Variants in SUZ12 observed in about 807,000 individuals in gnomAD.
SUZ12 encodes the protein SUZ12 polycomb repressive complex 2 subunit.
In SUZ12, 17 loss-of-function variants were observed where a neutral mutation model predicts 87.3. The ratio of observed to expected loss-of-function variants is 0.19; its 90% CI spans 0.13 to 0.29. The LOEUF (loss-of-function observed/expected upper bound fraction) is 0.29, where lower values mean the gene tolerates loss of function less well. Ranked by LOEUF, SUZ12 falls within the 10% of genes least tolerant of loss-of-function variation. The probability of loss-of-function intolerance (pLI) is 1.00; values close to 1 mark genes in which losing one functional copy is unlikely to be tolerated. For missense variants in SUZ12, 526 were observed against 912.2 expected (o/e 0.58, Z 5.45); for synonymous variants, 253 against 312.4 (o/e 0.81, Z 2.01).
chr17:31,944,675 G>A (rs1293936726), intron 3 of SUZ12, among the ~76,000 whole-genome samples: 1 of 152,060 alleles, frequency 6.6e-6, no homozygotes, highest in African/African-American at 2.4e-5. Context: ...AAATGGGTAG[G>A]AATAGGCTAG....
Position 31,943,592 on chromosome 17 carries a change from G to A in SUZ12, c.386+3106G>A, listed in dbSNP as rs749752962. Among the ~76,000 whole-genome samples the A allele has an allele frequency of 4.0e-4, 61 of 152,144 alleles. No individual in the cohort carries two copies. The Middle Eastern group carries it at 0.017, about 42-fold the overall frequency. ...TCTGTAAAAACCGTTCTTACCTTCC[G>A]GGCTGTACAAAAACAGGCGATAGGC... On this transcript the variant is annotated intron_variant, in intron 3 of 15. Transcript: ENST00000322652.
intron 4 of SUZ12, among the ~76,000 whole-genome samples, chr17:31,957,562 C>T (rs897965698): frequency 3.9e-5 from 6 of 151,980 alleles, no homozygotes. Context: ...CAGGTGCCTG[C>T]CACCACGCCT....
rs552867482 is a variant in SUZ12 at position 31,974,243 on chromosome 17, A to G, written c.591+1012A>G. ...AAAAATGTATGTAAAGTTAGGAAAT[A>G]TCACTCCTTGCCAGGTGCTGGTGGC... On this transcript the variant is annotated intron_variant, in intron 6 of 15. Transcript: ENST00000322652. 2.9e-3 allele frequency among the ~76,000 whole-genome samples: 441 copies of G among 152,106 alleles called. 3 individuals are homozygous for G. The highest frequency in any genetic ancestry group is 0.01 in the African/African-American group (423 of 41,504).
Position 31,980,429 on chromosome 17 carries a change from C to CTTTTTTT in SUZ12, c.918-2539_918-2533dup, listed in dbSNP as rs58491591. Among the ~76,000 whole-genome samples, 105 of 53,832 alleles carry CTTTTTTT rather than the reference C, an allele frequency of 2.0e-3. 26 individuals are homozygous for CTTTTTTT. Among genetic ancestry groups the CTTTTTTT allele is most frequent in the East Asian group, 9.6e-3 (7 of 732 alleles). The allele number at this position is 53,832 out of a possible 152,430, so 35.3% of individuals were successfully genotyped here. On this transcript the variant is annotated intron_variant, in intron 8 of 15. Transcript: ENST00000322652. ...TAAGATATACCAGAATCACCTTCTC[C>CTTTTTTT]TTTTTTTTTTTTTTTTTTTTTTTTT...
At position 31,937,100 on chromosome 17, in the gene SUZ12, C is replaced by CTCCCT; in HGVS notation, c.-137_-133dup. Reference sequence around the variant, plus strand: ...TCCTCCCTCCTTCCCTCCTCTCCTCCTCCCTTCCCTTCCCCTCTCCTCCCC... The same window carrying CTCCCT: ...TCCTCCCTCCTTCCCTCCTCTCCTCCTCCCTTCCCTTCCCTTCCCCTCTCCTCCCC... On this transcript the variant is annotated 5_prime_UTR_variant, in exon 1 of 16. Coordinates refer to ENST00000322652, the MANE Select transcript of SUZ12 (RefSeq NM_015355.4). 3.1e-6 allele frequency: 2 copies of CTCCCT among 655,544 alleles called. No individual in the cohort carries two copies. Among genetic ancestry groups the CTCCCT allele is most frequent in the Non-Finnish European group, 4.6e-6 (2 of 438,356 alleles). 40.6% of individuals were successfully genotyped at this position (655,544 alleles called of 1,614,324 possible).
chr17:31,940,257 A>G (rs1315461432), intron 1 of SUZ12, 29 bp from the exon 2 acceptor site: 2 of 1,594,390 alleles, frequency 1.3e-6, no homozygotes, highest in Non-Finnish European at 8.5e-7. Flanking sequence ...AGTTTAGATC[A>G]TGTTTGGATT....
chr17:31,946,072 C>CT (rs1198274275), intron 3 of SUZ12, among the ~76,000 whole-genome samples: 3 of 152,128 alleles, frequency 2.0e-5, no homozygotes, highest in Admixed American at 6.6e-5. Flanking sequence ...TTCAGTAACT[C>CT]TAAAGGTAAA....
Position 31,999,057 on chromosome 17 carries a change from C to A in SUZ12, c.*54C>A. 7.2e-7 allele frequency: 1 copy of A among 1,390,106 alleles called. No individual in the cohort carries two copies. 86.1% of individuals were successfully genotyped at this position (1,390,106 alleles called of 1,614,324 possible). A position where few individuals can be genotyped will look rare whatever the true frequency, so the allele number is the denominator to read the frequency against. ...CACTGAAATTACATTTTAGGGAATT[C>A]ATCCTCTAAGAATTATGTTTTTGTT... On this transcript the variant is annotated 3_prime_UTR_variant, in exon 16 of 16. Coordinates refer to ENST00000322652, the MANE Select transcript of SUZ12 (RefSeq NM_015355.4).
chr17:31,954,003 A>T (rs62062426), intron 4 of SUZ12, among the ~76,000 whole-genome samples: 1 of 149,270 alleles, frequency 6.7e-6, no homozygotes, highest in Non-Finnish European at 1.5e-5. Flanking sequence ...TGAGCCACCG[A>T]GCCCGGCTCA....
At chr17:31,980,542 C>T (rs1307247945) in intron 8 of SUZ12, among the ~76,000 whole-genome samples, 2 of 146,728 alleles carry the variant, frequency 1.4e-5, no homozygotes, top group Non-Finnish European at 3.0e-5. Context: ...CTCTGCCTCC[C>T]GGGTTCAAGC....
chr17:31,985,883 G>A (rs1238071264), intron 9 of SUZ12, among the ~76,000 whole-genome samples: 1 of 151,858 alleles, frequency 6.6e-6, no homozygotes, highest in Non-Finnish European at 1.5e-5. Flanking sequence ...GGCTGGTCTC[G>A]AACTCCTGAC....
chr17:31,996,772 T>G, intron 14 of SUZ12, 26 bp from the exon 15 acceptor site: 1 of 1,460,550 alleles, frequency 6.8e-7, no homozygotes, highest in Non-Finnish European at 9.2e-7. Flanking sequence ...ATGTGTTTAA[T>G]AGGTGTTTTT....
chr17:31,952,352 G>T (rs545561568), intron 4 of SUZ12, among the ~76,000 whole-genome samples: 2 of 152,134 alleles, frequency 1.3e-5, no homozygotes, highest in Non-Finnish European at 2.9e-5. Context: ...GAGCCACCAC[G>T]CCTGGCCTTT....
intron 1 of SUZ12, 147 bp downstream of exon 1, chr17:31,937,667 T>G: frequency 4.1e-6 from 5 of 1,210,670 alleles, no homozygotes; most frequent in Non-Finnish European, 5.6e-6. Flanking sequence ...TTTCGGAGAT[T>G]ACGTCTCCAG....
rs146111565 is a variant in SUZ12, at chr17:31,978,035, G to T, written c.917+1421G>T. 2.4e-3 allele frequency among the ~76,000 whole-genome samples: 370 copies of T among 152,278 alleles called. 1 individual carries two copies. Among genetic ancestry groups the T allele is most frequent in the African/African-American group, 8.2e-3 (340 of 41,574 alleles). On this transcript the variant is annotated intron_variant, in intron 8 of 15. Coordinates refer to ENST00000322652, the MANE Select transcript of SUZ12 (RefSeq NM_015355.4). ...TTTAGTGAAAATATCACCAGTGAAAGAATGTCTGGGAAGCAAATCCAGCAT... is the reference window on the plus strand; with the variant it reads ...TTTAGTGAAAATATCACCAGTGAAATAATGTCTGGGAAGCAAATCCAGCAT...
At chr17:31,966,544 C>T (rs567623607) in intron 5 of SUZ12, 54 of 188,658 alleles carry the variant, frequency 2.9e-4, no homozygotes, top group Middle Eastern at 2.3e-3. Context: ...GACAGGGTCT[C>T]ACCATGCTGG....
intron 4 of SUZ12, among the ~76,000 whole-genome samples, chr17:31,950,487 T>C (rs533846636): frequency 6.6e-5 from 10 of 152,078 alleles, no homozygotes; most frequent in Non-Finnish European, 1.3e-4. Context: ...AATTTGAGAC[T>C]GCCCTGGCCA....
At chr17:31,965,717 T>A (rs1908046426) in intron 4 of SUZ12, 1 of 152,980 alleles carries the variant, frequency 6.5e-6, no homozygotes, top group African/African-American at 2.4e-5. Flanking sequence ...GATGAAGTCA[T>A]TGACTAAAGC....
At chr17:31,966,107 G>A (rs1428398097) in intron 4 of SUZ12, 40 bp from the exon 5 acceptor site, 4 of 1,508,962 alleles carry the variant, frequency 2.7e-6, no homozygotes, top group Non-Finnish European at 3.6e-6. Flanking sequence ...TTACTACAGA[G>A]CATTACAATG....
Sources: allele counts gnomAD v4.1 joint callset (sites outside exome capture counted in the v4.1 genomes callset), GRCh38; gene constraint gnomAD v4.1.1; transcripts MANE v1.5; gene names NCBI Gene and HGNC (gene_info 2026-07-23, HGNC 2026-07-21).